WDFY3: variants seen among roughly 807,000 people sequenced by gnomAD.
WDFY3 encodes the protein WD repeat and FYVE domain-containing protein 3.
Under a neutral mutation model 409.6 loss-of-function variants are expected in WDFY3, and 66 were observed. That is an observed-to-expected ratio of 0.16 (90% CI 0.13 to 0.20). The LOEUF (loss-of-function observed/expected upper bound fraction) is 0.20, where lower values mean the gene tolerates loss of function less well. Among genes scored for constraint, WDFY3 ranks in the 10% least tolerant of loss-of-function variants. The pLI, the probability that WDFY3 is intolerant of heterozygous loss-of-function variation, is 1.00. For synonymous variants in WDFY3, 1,521 were observed against 1,537.1 expected (o/e 0.99, Z 0.25); for missense variants, 3,031 against 4,298.1 (o/e 0.71, Z 8.24).
In WDFY3 at chr4:84,739,076, T is replaced by G; in HGVS notation, c.6508A>C (p.Thr2170Pro). 1 of 1,614,184 alleles carries G rather than the reference T, an allele frequency of 6.2e-7. No individual in the cohort carries two copies. Among genetic ancestry groups the G allele is most frequent in the Non-Finnish European group, 8.5e-7 (1 of 1,179,994 alleles). The change falls in exon 40 of 68, where the codon ACA becomes CCA. Residue 2170 changes from threonine (T) to proline (P), a missense_variant. Transcript: ENST00000295888. ...FGLEAEARMT[T>P]WHIMIPSDIE... Reference sequence around the variant, plus strand: ...TCCGAGGGGATCATAATGTGCCATGTGGTCATGCGGGCTTCTGCTTCCAGT... The same window carrying G: ...TCCGAGGGGATCATAATGTGCCATGGGGTCATGCGGGCTTCTGCTTCCAGT...
intron 21 of WDFY3, 103 bp from the exon 22 acceptor site, chr4:84,790,010 T>C: frequency 8.2e-7 from 1 of 1,213,490 alleles, no homozygotes; most frequent in Non-Finnish European, 1.2e-6. Flanking sequence ...TAAAACAAAA[T>C]AATGATGCAG....
In WDFY3 at chr4:84,678,273, C is replaced by A. The variant is rs575213084; in HGVS notation, c.10154G>T (p.Arg3385Leu). The A allele has an allele frequency of 6.2e-7, 1 of 1,613,282 alleles. No individual in the cohort carries two copies. The highest frequency in any genetic ancestry group is 1.3e-5 in the African/African-American group (1 of 74,902). ...RNYSRLKPGY[R>L]WERQLVFRSK... ...CCTGAACACCAGCTGCCGTTCCCATCGGTACCCTGGAATGGAGAAGTGGAG... is the reference window on the plus strand; with the variant it reads ...CCTGAACACCAGCTGCCGTTCCCATAGGTACCCTGGAATGGAGAAGTGGAG... The change falls in exon 66 of 68, where the codon CGA (arginine) becomes CTA (leucine). Residue 3385 changes from arginine (R) to leucine (L), a missense_variant. Transcript: ENST00000295888.
rs745804406 is a variant in WDFY3, at chr4:84,787,722, A to G, written c.3670-9T>C. The G allele has an allele frequency of 1.3e-6, 2 of 1,599,140 alleles. No individual in the cohort carries two copies. Among genetic ancestry groups the G allele is most frequent in the Non-Finnish European group, 1.7e-6 (2 of 1,167,552 alleles). On this transcript the variant is annotated splice_polypyrimidine_tract_variant and intron_variant, in intron 22 of 67. Coordinates refer to ENST00000295888, the MANE Select transcript of WDFY3 (RefSeq NM_014991.6). ...CTGTGGACATAATGAAGCTGTAAGG[A>G]AGACAAAAGCAAATGTGTGAGATGT...
intron 40 of WDFY3, 126 bp downstream of exon 40, chr4:84,738,884 T>C (rs541987437): frequency 5.1e-6 from 4 of 784,300 alleles, no homozygotes; most frequent in South Asian, 3.3e-5. Context: ...TCTTTATGTA[T>C]AGGTTGCCCT....
intron 15 of WDFY3, 24 bp from the exon 16 acceptor site, chr4:84,803,491 T>C (rs1750992973): frequency 6.3e-7 from 1 of 1,586,602 alleles, no homozygotes; most frequent in African/African-American, 1.4e-5. Context: ...AAGAGTAAAT[T>C]TGGTATTGAA....
At chr4:84,842,360 C>T (rs1220543399) in intron 5 of WDFY3, among the ~76,000 whole-genome samples, 2 of 151,884 alleles carry the variant, frequency 1.3e-5, no homozygotes, top group Admixed American at 1.3e-4. Flanking sequence ...GCCTGTAATC[C>T]CAGCTACTTG....
At chr4:84,853,801 AG>A (rs999310061) in intron 4 of WDFY3, among the ~76,000 whole-genome samples, 6 of 152,234 alleles carry the variant, frequency 3.9e-5, no homozygotes. Context: ...TCAGTACTAC[AG>A]AAAAAGACTA....
At chr4:84,848,617 A>G (rs947006101) in intron 5 of WDFY3, among the ~76,000 whole-genome samples, 1 of 152,202 alleles carries the variant, frequency 6.6e-6, no homozygotes, top group Admixed American at 6.5e-5. Flanking sequence ...TCCTATAAAT[A>G]TCTAACAAGT....
At chr4:84,851,919 T>TAACC (rs1483396449) in intron 4 of WDFY3, among the ~76,000 whole-genome samples, 3 of 47,428 alleles carry the variant, frequency 6.3e-5, no homozygotes, top group Non-Finnish European at 1.3e-4. Flanking sequence ...CTGGCAACAA[T>TAACC]AATAATAAAG....
chr4:84,748,280 C>A (rs889002816), intron 36 of WDFY3, among the ~76,000 whole-genome samples: 5 of 152,122 alleles, frequency 3.3e-5, no homozygotes, highest in Non-Finnish European at 7.3e-5. Flanking sequence ...AATATTAAAT[C>A]TTATTTAGTT....
chr4:84,720,294 C>G (rs1424847193), intron 47 of WDFY3, among the ~76,000 whole-genome samples: 1 of 151,936 alleles, frequency 6.6e-6, no homozygotes, highest in African/African-American at 2.4e-5. Context: ...GCCTGAGTAG[C>G]AAAAGAGTCA....
Position 84,794,745 on chromosome 4 carries a change from A to G in WDFY3, c.3269-8T>C. 6.3e-7 allele frequency: 1 copy of G among 1,590,156 alleles called. No individual in the cohort carries two copies. Among genetic ancestry groups the G allele is most frequent in the South Asian group, 1.2e-5 (1 of 85,938 alleles). On this transcript the variant is annotated splice_polypyrimidine_tract_variant and splice_region_variant and intron_variant, in intron 20 of 67. Coordinates refer to ENST00000295888, the MANE Select transcript of WDFY3 (RefSeq NM_014991.6). ...GAGGGAAGAATCTTTCACCTACAGTAAAAATTAAAAAAAAAAGTCTGTGTT... is the reference window on the plus strand; with the variant it reads ...GAGGGAAGAATCTTTCACCTACAGTGAAAATTAAAAAAAAAAGTCTGTGTT...
chr4:84,730,219 C>T (rs1054803215), intron 44 of WDFY3, among the ~76,000 whole-genome samples: 3 of 152,058 alleles, frequency 2.0e-5, no homozygotes, highest in Non-Finnish European at 4.4e-5. Context: ...GCATAAACTA[C>T]AGGGCCCATA....
Position 84,671,329 on chromosome 4 carries a change from G to A in WDFY3, c.*1539C>T, listed in dbSNP as rs1474268190. 1 of 152,572 alleles carries A rather than the reference G, an allele frequency of 6.6e-6. No homozygotes were observed. The highest frequency in any genetic ancestry group is 2.4e-5 in the African/African-American group (1 of 41,426). The allele number at this position is 152,572 out of a possible 1,614,324, so 9.5% of individuals were successfully genotyped here. On this transcript the variant is annotated 3_prime_UTR_variant, in exon 68 of 68. Coordinates refer to ENST00000295888, the MANE Select transcript of WDFY3 (RefSeq NM_014991.6). ...TTGCATGATGCCTCTGTGAGGGTGT[G>A]AAGGCCTTTCCTTTCGCACCTGTGA...
At chr4:84,722,898 A>G (rs17009231) in intron 46 of WDFY3, among the ~76,000 whole-genome samples, 5,857 of 152,304 alleles carry the variant, frequency 0.038, 345 homozygotes, top group African/African-American at 0.13. Context: ...AGTAAGCAAG[A>G]GAGATCAAAT....
Position 84,690,572 on chromosome 4 carries a change from G to C in WDFY3, c.9297C>G (p.Ser3099Arg). The C allele has an allele frequency of 6.2e-7, 1 of 1,614,126 alleles. No homozygotes were observed. Among genetic ancestry groups the C allele is most frequent in the Non-Finnish European group, 8.5e-7 (1 of 1,180,024 alleles). The change falls in exon 61 of 68, where the codon AGC becomes AGG. Residue 3099 changes from serine to arginine, a missense_variant. Coordinates refer to ENST00000295888, the MANE Select transcript of WDFY3 (RefSeq NM_014991.6). ...CCATCTCCCACACACACACAACCGT[G>C]CTTGTTCCACCCGTGATGACCAGCT... Reference protein sequence around the residue: ...NPKLVITGGTSTVVCVWEMGT... With the variant: ...NPKLVITGGTRTVVCVWEMGT...
At chr4:84,831,332 G>T in intron 8 of WDFY3, 81 bp downstream of exon 8, 2 of 1,076,936 alleles carry the variant, frequency 1.9e-6, no homozygotes, top group South Asian at 3.2e-5. Flanking sequence ...TTAGAATACT[G>T]AAAGATAAAA....
chr4:84,707,074 G>A (rs1732087665), intron 53 of WDFY3, among the ~76,000 whole-genome samples: 1 of 151,846 alleles, frequency 6.6e-6, no homozygotes, highest in Non-Finnish European at 1.5e-5. Flanking sequence ...GAGTGGCTGG[G>A]ACTACAGATG....
chr4:84,811,451 G>A (rs916646825), intron 13 of WDFY3, among the ~76,000 whole-genome samples: 9 of 152,014 alleles, frequency 5.9e-5, no homozygotes, highest in East Asian at 1.9e-4. Flanking sequence ...CCACTTTATC[G>A]ATAAGGAATT....
Sources: allele counts gnomAD v4.1 joint callset (sites outside exome capture counted in the v4.1 genomes callset), GRCh38; gene constraint gnomAD v4.1.1; transcripts MANE v1.5; gene names NCBI Gene and HGNC (gene_info 2026-07-23, HGNC 2026-07-21).